Variants in SNURF observed in about 807,000 individuals in gnomAD.
SNURF encodes the protein SNURF protein.
Under a neutral mutation model 11.6 loss-of-function variants are expected in SNURF, and 6 were observed. That is an observed-to-expected ratio of 0.52 (90% CI 0.28 to 1.02). The LOEUF (loss-of-function observed/expected upper bound fraction) is 1.02. Ranked by LOEUF, SNURF falls within the 50% of genes least tolerant of loss-of-function variation. The probability of loss-of-function intolerance (pLI) is 0.09; values close to 1 mark genes in which losing one functional copy is unlikely to be tolerated. For missense variants in SNURF, 84 were observed against 88.4 expected, an observed-to-expected ratio of 0.95 and a Z score of 0.20; for synonymous variants, 29 against 31.6, an observed-to-expected ratio of 0.92 and a Z score of 0.27.
downstream of SNURF, chr15:24,978,386 A>G (rs1374032927): frequency 3.1e-6 from 5 of 1,613,714 alleles, no homozygotes; most frequent in Middle Eastern, 3.3e-4. Flanking sequence ...CTTTTTCTCA[A>G]TGTTTCTATT....
At chr15:24,970,525 G>A (rs1165070681), downstream of SNURF, among the ~76,000 whole-genome samples, 2 of 152,196 alleles carry the variant, frequency 1.3e-5, no homozygotes, top group Non-Finnish European at 2.9e-5. Context: ...GTTGCATTGA[G>A]CAGAGATTGT....
chr15:24,974,206 G>A (rs982456989), intron 3 of SNURF: 8 of 532,460 alleles, frequency 1.5e-5, no homozygotes, highest in Admixed American at 3.3e-5. Flanking sequence ...ATGAGAGGAA[G>A]GATGTTTTTG....
chr15:24,977,912 T>G (rs1302728297), downstream of SNURF: 3 of 1,562,068 alleles, frequency 1.9e-6, no homozygotes, highest in Non-Finnish European at 2.6e-6. Context: ...CAACCCCACC[T>G]CCAGGTAAGG....
chr15:24,974,632 T>C (rs1461315496), intron 3 of SNURF: 1 of 689,478 alleles, frequency 1.5e-6, no homozygotes, highest in Non-Finnish European at 2.6e-6. Context: ...TTTATTTTTA[T>C]TTTTTTCAGA....
intron 1 of SNURF, among the ~76,000 whole-genome samples, chr15:24,958,500 T>TTG (rs2074231426): frequency 7.5e-6 from 1 of 133,692 alleles, no homozygotes; most frequent in East Asian, 2.3e-4. Flanking sequence ...TTTTTTTTTT[T>TTG]TTTTTTTTTT....
intron 1 of SNURF, among the ~76,000 whole-genome samples, chr15:24,961,691 C>A (rs534762339): frequency 6.6e-6 from 1 of 152,168 alleles, no homozygotes; most frequent in East Asian, 1.9e-4. Context: ...TTCTATTCCA[C>A]TATATAAGTA....
chr15:24,962,192 C>G, exon 2 of SNURF: 2 of 1,614,046 alleles, frequency 1.2e-6, no homozygotes, highest in South Asian at 2.2e-5. Flanking sequence ...GAAGGACTGC[C>G]TCACTGAGCA....
chr15:24,975,826 C>T (rs1045863168), intron 4 of SNURF, among the ~76,000 whole-genome samples: 1 of 152,248 alleles, frequency 6.6e-6, no homozygotes, highest in African/African-American at 2.4e-5. Flanking sequence ...CAGTCTTAGA[C>T]CAAATCTTGG....
chr15:24,970,435 C>A (rs557438119), downstream of SNURF, among the ~76,000 whole-genome samples: 1 of 151,928 alleles, frequency 6.6e-6, no homozygotes, highest in Non-Finnish European at 1.5e-5. Flanking sequence ...AAATATTAGC[C>A]GGGTGTAGTG....
At chr15:24,957,457 G>C (rs915366889) in intron 1 of SNURF, among the ~76,000 whole-genome samples, 8 of 152,294 alleles carry the variant, frequency 5.3e-5, no homozygotes, top group Admixed American at 3.3e-4. Context: ...AATTTGGTGA[G>C]AAAGGTTAAT....
In SNURF at chr15:24,955,018, C is replaced by T. The variant is rs372506458; in HGVS notation, c.-31C>T. On this transcript the variant is annotated 5_prime_UTR_variant, in exon 1 of 3. It adds an upstream start codon to the 5' untranslated region. Coordinates refer to ENST00000577949, the Ensembl canonical transcript of SNURF. ...TGGAGCGGCCGCCGGAGATGCCTGA[C>T]GCATCTGTCTGAGGAGCGGTCAGTG... 3.4e-5 allele frequency: 55 copies of T among 1,612,344 alleles called. No individual in the cohort carries two copies. Among genetic ancestry groups the T allele is most frequent in the Non-Finnish European group, 4.3e-5 (51 of 1,179,884 alleles).
exon 4 of SNURF, chr15:24,975,362 T>C: frequency 6.2e-7 from 1 of 1,613,308 alleles, no homozygotes; most frequent in Non-Finnish European, 8.5e-7. Flanking sequence ...TTCTAGACTG[T>C]TGGCAAGAGT....
At chr15:24,965,320 C>G (rs2075448616) in intron 2 of SNURF, among the ~76,000 whole-genome samples, 1 of 151,996 alleles carries the variant, frequency 6.6e-6, no homozygotes, top group Non-Finnish European at 1.5e-5. Context: ...GGCAGATCAC[C>G]TGAGGTCAGG....
chr15:24,977,165 T>C (rs538086480), intron 6 of SNURF: 4 of 604,568 alleles, frequency 6.6e-6, no homozygotes, highest in South Asian at 7.0e-5. Flanking sequence ...AACACAGATA[T>C]ATGGGAGGAA....
exon 6 of SNURF, chr15:24,976,902 C>G (rs2077125430): frequency 1.2e-6 from 2 of 1,607,628 alleles, no homozygotes; most frequent in Non-Finnish European, 1.7e-6. Context: ...GTACCACTTG[C>G]TGGAGCTGCT....
intron 3 of SNURF, chr15:24,975,016 G>A (rs2076906274): frequency 4.3e-6 from 3 of 702,100 alleles, no homozygotes; most frequent in Non-Finnish European, 7.8e-6. Flanking sequence ...GGCATTAACA[G>A]TACAGAGAAA....
At chr15:24,977,816 T>A in exon 7 of SNURF, 1 of 1,613,046 alleles carries the variant, frequency 6.2e-7, no homozygotes, top group Non-Finnish European at 8.5e-7. Flanking sequence ...TAGCAGCTGC[T>A]GCTGTTGCTG....
At position 24,962,220 on chromosome 15, in the gene SNURF, A is replaced by C. The variant is rs199986212; in HGVS notation, c.110+11A>C. 100 of 1,609,610 alleles carry C rather than the reference A, an allele frequency of 6.2e-5. No homozygotes were observed. Among genetic ancestry groups the C allele is most frequent in the Admixed American group, 6.7e-5 (4 of 59,988 alleles). Reference sequence around the variant, plus strand: ...ACTGAGCAACCAAGAGTGAGTACAGACTGTGTTGGGAACAAATGCAAGTCA... The same window carrying C: ...ACTGAGCAACCAAGAGTGAGTACAGCCTGTGTTGGGAACAAATGCAAGTCA... On this transcript the variant is annotated intron_variant, in intron 2 of 2. Transcript: ENST00000577949.
downstream of SNURF, among the ~76,000 whole-genome samples, chr15:24,970,463 C>T (rs1490206866): frequency 6.6e-6 from 1 of 151,964 alleles, no homozygotes; most frequent in African/African-American, 2.4e-5. Flanking sequence ...CCTGTAATCC[C>T]AGCTACTCGG....
Sources: allele counts gnomAD v4.1 joint callset (sites outside exome capture counted in the v4.1 genomes callset), GRCh38; gene constraint gnomAD v4.1.1; transcripts MANE v1.5; gene names NCBI Gene and HGNC (gene_info 2026-07-23, HGNC 2026-07-21).